TSHZ2: variants seen among roughly 807,000 people sequenced by gnomAD.
TSHZ2 encodes the protein teashirt zinc finger homeobox 2.
A neutral mutation model predicts 74.4 loss-of-function variants in TSHZ2; 21 were observed. The observed-to-expected ratio is 0.28, with a 90% confidence interval of 0.20 to 0.41. TSHZ2 has a LOEUF of 0.41. Among genes scored for constraint, TSHZ2 ranks in the 10% least tolerant of loss-of-function variants. The pLI is 1.00. For missense variants in TSHZ2, 1,244 were observed against 1,293.5 expected (o/e 0.96, Z 0.59); for synonymous variants, 540 against 515.3 (o/e 1.05, Z -0.65).
intron 2 of TSHZ2, among the ~76,000 whole-genome samples, chr20:53,280,878 A>T (rs1833651678): frequency 6.6e-6 from 1 of 151,968 alleles, no homozygotes; most frequent in South Asian, 2.1e-4. Context: ...ATTTTTAGTA[A>T]AGATAGGGTT....
chr20:53,047,687 T>A (rs1984275430), intron 1 of TSHZ2, among the ~76,000 whole-genome samples: 1 of 151,888 alleles, frequency 6.6e-6, no homozygotes, highest in Non-Finnish European at 1.5e-5. Flanking sequence ...AAAAACACTA[T>A]GACAACCAAG....
intron 1 of TSHZ2, among the ~76,000 whole-genome samples, chr20:53,050,113 A>ATATATATATACACATATATATATGTG (rs1984383306): frequency 2.0e-5 from 2 of 97,980 alleles, no homozygotes; most frequent in Admixed American, 9.4e-5. Flanking sequence ...GTATATATAT[A>ATATATATATACACATATATATATGTG]TATATATATA....
chr20:53,351,074 C>T (rs567329597), intron 2 of TSHZ2, among the ~76,000 whole-genome samples: 2 of 152,204 alleles, frequency 1.3e-5, no homozygotes, highest in African/African-American at 2.4e-5. Context: ...TGTAACATTT[C>T]AATTGCAATT....
chr20:53,219,103 C>T (rs1343998811), intron 1 of TSHZ2, among the ~76,000 whole-genome samples: 4 of 152,196 alleles, frequency 2.6e-5, no homozygotes, highest in Admixed American at 2.6e-4. Context: ...TGTGTCTCCC[C>T]CTTGGAGGCC....
chr20:53,216,269 A>C (rs1248230302), intron 1 of TSHZ2, among the ~76,000 whole-genome samples: 2 of 152,124 alleles, frequency 1.3e-5, no homozygotes, highest in Non-Finnish European at 2.9e-5. Context: ...AGCCCTCTCC[A>C]CACCTCACTT....
At chr20:53,316,126 G>C (rs1403980184) in intron 2 of TSHZ2, among the ~76,000 whole-genome samples, 1 of 152,214 alleles carries the variant, frequency 6.6e-6, no homozygotes, top group Non-Finnish European at 1.5e-5. Flanking sequence ...GCAAACTAAG[G>C]CATAGTACTC....
chr20:53,135,885 G>A (rs893278646), intron 1 of TSHZ2, among the ~76,000 whole-genome samples: 8 of 152,246 alleles, frequency 5.3e-5, no homozygotes, highest in Middle Eastern at 3.4e-3. Flanking sequence ...GATTATAGGC[G>A]TGAGCCACCA....
At chr20:53,266,648 GTGTT>G (rs894015350) in intron 2 of TSHZ2, among the ~76,000 whole-genome samples, 2 of 152,096 alleles carry the variant, frequency 1.3e-5, no homozygotes, top group African/African-American at 4.8e-5. Context: ...AAATCCAAAA[GTGTT>G]TGTGTGCATG....
chr20:53,125,111 C>T (rs998373008), intron 1 of TSHZ2, among the ~76,000 whole-genome samples: 1 of 152,044 alleles, frequency 6.6e-6, no homozygotes, highest in African/African-American at 2.4e-5. Context: ...TTTGTCATCT[C>T]GAAAATGAGG....
chr20:53,265,401 G>A (rs556209789), intron 2 of TSHZ2, among the ~76,000 whole-genome samples: 1 of 152,126 alleles, frequency 6.6e-6, no homozygotes, highest in Admixed American at 6.5e-5. Flanking sequence ...GGACAGGCGG[G>A]GGTGCAGCAA....
At chr20:53,089,957 C>A (rs920305895) in intron 1 of TSHZ2, among the ~76,000 whole-genome samples, 6 of 152,194 alleles carry the variant, frequency 3.9e-5, no homozygotes, top group Admixed American at 3.9e-4. Flanking sequence ...CCACAATAGG[C>A]CATCTGCAAG....
intron 1 of TSHZ2, among the ~76,000 whole-genome samples, chr20:53,146,634 T>C (rs1477860517): frequency 2.0e-5 from 3 of 152,236 alleles, no homozygotes; most frequent in Non-Finnish European, 4.4e-5. Context: ...AAATGTGTAA[T>C]TGCCCTCAAC....
chr20:53,170,849 C>T (rs534108345), intron 1 of TSHZ2, among the ~76,000 whole-genome samples: 1 of 151,880 alleles, frequency 6.6e-6, no homozygotes, highest in East Asian at 1.9e-4. Context: ...GCCCAAGACA[C>T]ACGTCTCTGG....
chr20:53,350,928 G>T (rs566487589), intron 2 of TSHZ2, among the ~76,000 whole-genome samples: 2 of 152,174 alleles, frequency 1.3e-5, no homozygotes, highest in Non-Finnish European at 2.9e-5. Context: ...TTTTTCATTA[G>T]AATAGTTCAC....
chr20:53,037,892 C>T (rs991510613), intron 1 of TSHZ2, among the ~76,000 whole-genome samples: 1 of 152,032 alleles, frequency 6.6e-6, no homozygotes, highest in Non-Finnish European at 1.5e-5. Flanking sequence ...GGCCTGTGTG[C>T]AGAGCAGGGC....
At chr20:53,481,477 G>A (rs1156399605) in intron 2 of TSHZ2, among the ~76,000 whole-genome samples, 1 of 151,968 alleles carries the variant, frequency 6.6e-6, no homozygotes, top group African/African-American at 2.4e-5. Flanking sequence ...AGGAGGCTGA[G>A]GTGGGAGGAT....
chr20:53,192,578 A>AAAAC lies in TSHZ2; in HGVS notation c.41-60921_41-60920insAAAC, dbSNP rs1555834691. 1.7e-4 allele frequency among the ~76,000 whole-genome samples: 25 copies of AAAAC among 150,442 alleles called. No homozygotes were observed. In the East Asian group the frequency reaches 2.7e-3, roughly 16 times the overall value. On this transcript the variant is annotated intron_variant, in intron 1 of 2. Transcript: ENST00000371497. ...TAGTGTCTGGAAAAAAAAAAAAAAA[A>AAAAC]CCCACAACAACTGGTCTATGAATTG... is the stretch of plus-strand genomic sequence containing the variant.
chr20:53,470,666 TAGTC>T (rs1985770806), intron 2 of TSHZ2, among the ~76,000 whole-genome samples: 1 of 151,946 alleles, frequency 6.6e-6, no homozygotes, highest in Non-Finnish European at 1.5e-5. Context: ...ATACAAAAAT[TAGTC>T]AGGTGTGGTG....
chr20:53,045,577 A>G (rs1280368983), intron 1 of TSHZ2, among the ~76,000 whole-genome samples: 5 of 152,186 alleles, frequency 3.3e-5, no homozygotes, highest in Non-Finnish European at 7.3e-5. Flanking sequence ...TCATTCACCT[A>G]AGGAATCAGC....
Sources: gnomAD v4.1 joint callset for allele counts (sites outside exome capture counted in the v4.1 genomes callset) on GRCh38, gnomAD v4.1.1 for gene constraint, MANE v1.5 for transcripts, NCBI Gene and HGNC (gene_info 2026-07-23, HGNC 2026-07-21) for gene names.